The following ATP13A4 variants were observed in gnomAD, a reference collection of about 807,000 sequenced individuals.
The protein encoded by ATP13A4 is probable cation-transporting ATPase 13A4.
Under a neutral mutation model 142.5 loss-of-function variants are expected in ATP13A4, and 114 were observed. The ratio of observed to expected loss-of-function variants is 0.80; its 90% confidence interval spans 0.69 to 0.93. The LOEUF is 0.93. ATP13A4 is among the 40% of genes least tolerant of loss of function. The pLI, the probability that ATP13A4 is intolerant of heterozygous loss-of-function variation, is 0.00. For missense variants in ATP13A4, 1,392 were observed against 1,454.0 expected, an observed-to-expected ratio of 0.96 and a Z score of 0.69; for synonymous variants, 488 against 514.8, an observed-to-expected ratio of 0.95 and a Z score of 0.70.
At chr3:193,500,075 G>A (rs1485263886) in intron 3 of ATP13A4, among the ~76,000 whole-genome samples, 1 of 152,188 alleles carries the variant, frequency 6.6e-6, no homozygotes, top group Non-Finnish European at 1.5e-5. Flanking sequence ...ATCACTCTCA[G>A]AGCCTCTGGA....
chr3:193,542,414 T>G (rs1722980836), intron 1 of ATP13A4, among the ~76,000 whole-genome samples: 1 of 152,124 alleles, frequency 6.6e-6, no homozygotes, highest in Non-Finnish European at 1.5e-5. Context: ...AATTTATAGA[T>G]TCAATGCTAT....
chr3:193,567,291 C>T (rs143338693), intron 2 of ATP13A4, among the ~76,000 whole-genome samples: 32 of 152,124 alleles, frequency 2.1e-4, no homozygotes, highest in East Asian at 1.2e-3. Flanking sequence ...ACGACAAAAC[C>T]CTGACAGTGA....
At chr3:193,523,915 G>A (rs1008278549) in intron 1 of ATP13A4, among the ~76,000 whole-genome samples, 11 of 151,978 alleles carry the variant, frequency 7.2e-5, no homozygotes, top group East Asian at 5.8e-4. Flanking sequence ...CCACAAGAGC[G>A]GTTGTTAAAA....
intron 28 of ATP13A4, 121 bp from the exon 29 acceptor site, chr3:193,407,514 A>G (rs1157742893): frequency 2.9e-6 from 2 of 682,236 alleles, no homozygotes; most frequent in Non-Finnish European, 5.2e-6. Context: ...ATATGTGTGT[A>G]TATTACATAT....
chr3:193,428,436 A>G (rs1576950539), intron 25 of ATP13A4, among the ~76,000 whole-genome samples: 2 of 152,288 alleles, frequency 1.3e-5, no homozygotes, highest in African/African-American at 4.8e-5. Context: ...CCATCCCATT[A>G]CTGGGTATAT....
intron 2 of ATP13A4, among the ~76,000 whole-genome samples, chr3:193,567,896 C>T (rs1324708124): frequency 6.6e-6 from 1 of 152,194 alleles, no homozygotes; most frequent in East Asian, 1.9e-4. Flanking sequence ...CAGAATAGAC[C>T]TGCATGGTTG....
intron 10 of ATP13A4, among the ~76,000 whole-genome samples, chr3:193,466,466 C>A (rs1039177528): frequency 3.3e-5 from 5 of 152,192 alleles, no homozygotes; most frequent in African/African-American, 1.2e-4. Flanking sequence ...TGCCAAATAG[C>A]ATTTTATTTT....
chr3:193,470,268 A>G (rs1718541834), intron 9 of ATP13A4, among the ~76,000 whole-genome samples: 1 of 152,210 alleles, frequency 6.6e-6, no homozygotes, highest in Admixed American at 6.5e-5. Context: ...TGCCATGCCT[A>G]TGATATGAGA....
intron 8 of ATP13A4, among the ~76,000 whole-genome samples, chr3:193,474,723 AAAG>A (rs1281601977): frequency 8.4e-6 from 1 of 118,470 alleles, no homozygotes; most frequent in Non-Finnish European, 1.8e-5. Flanking sequence ...AGAGAGAGAG[AAAG>A]AAAGAGAAAG....
chr3:193,486,173 A>G (rs1719604360), intron 7 of ATP13A4, among the ~76,000 whole-genome samples: 1 of 151,874 alleles, frequency 6.6e-6, no homozygotes, highest in Non-Finnish European at 1.5e-5. Context: ...ACTCTTAGAG[A>G]TCCTCAGTGA....
chr3:193,574,024 C>T (rs1724343692), intron 2 of ATP13A4, among the ~76,000 whole-genome samples: 1 of 152,070 alleles, frequency 6.6e-6, no homozygotes, highest in African/African-American at 2.4e-5. Context: ...AATCTACATA[C>T]AGACATGTAT....
In ATP13A4 at chr3:193,531,063, C is replaced by A. The variant is rs1028406522; in HGVS notation, c.61-16192G>T. Among the ~76,000 whole-genome samples the A allele has an allele frequency of 4.6e-5, 7 of 152,144 alleles. No homozygotes were observed. In the East Asian group the frequency reaches 7.8e-4, roughly 17 times the overall value. ...ACTTGCTGTTAAACTTCTATTCATCCATCAAGATTCCTTTCAGTTAGCACT... is the reference window on the plus strand; with the variant it reads ...ACTTGCTGTTAAACTTCTATTCATCAATCAAGATTCCTTTCAGTTAGCACT... On this transcript the variant is annotated intron_variant, in intron 1 of 29. Coordinates refer to ENST00000342695, the MANE Select transcript of ATP13A4 (RefSeq NM_032279.4).
intron 2 of ATP13A4, among the ~76,000 whole-genome samples, chr3:193,567,022 T>C (rs1724149530): frequency 6.6e-6 from 1 of 150,568 alleles, no homozygotes; most frequent in Non-Finnish European, 1.5e-5. Flanking sequence ...ATCCCACTTT[T>C]AGAATTCTCT....
At chr3:193,580,968 A>G (rs1477056685) in intron 2 of ATP13A4, among the ~76,000 whole-genome samples, 1 of 152,226 alleles carries the variant, frequency 6.6e-6, no homozygotes, top group East Asian at 1.9e-4. Context: ...GTTCATATGC[A>G]TAAGTTTCTT....
chr3:193,413,265 G>T (rs2108604262), intron 26 of ATP13A4, among the ~76,000 whole-genome samples: 1 of 152,126 alleles, frequency 6.6e-6, no homozygotes, highest in East Asian at 1.9e-4. Context: ...AATTTCTTAT[G>T]CCTGTCTTAC....
chr3:193,462,081 G>A (rs2108640004), intron 13 of ATP13A4, among the ~76,000 whole-genome samples: 1 of 152,050 alleles, frequency 6.6e-6, no homozygotes, highest in Middle Eastern at 3.4e-3. Flanking sequence ...AATTAGCCAG[G>A]CATGGTGGCA....
chr3:193,483,527 C>G (rs190195895), intron 8 of ATP13A4, among the ~76,000 whole-genome samples: 2 of 152,178 alleles, frequency 1.3e-5, no homozygotes, highest in South Asian at 2.1e-4. Context: ...TACAGTGGCG[C>G]GATCTCGGCT....
At chr3:193,554,686 G>C (rs1332006861) in intron 1 of ATP13A4, 54 bp downstream of exon 1, 56 of 1,305,982 alleles carry the variant, frequency 4.3e-5, no homozygotes, top group East Asian at 7.2e-5. Context: ...GTGTGTGTGT[G>C]TCTCGCAGGC....
At chr3:193,440,271 AC>A in intron 21 of ATP13A4, 1 of 391,044 alleles carries the variant, frequency 2.6e-6, no homozygotes, top group South Asian at 2.6e-5. Context: ...CTCTTTCAGG[AC>A]CCTTAGGTTC....
Sources: gnomAD v4.1 joint callset for allele counts (sites outside exome capture counted in the v4.1 genomes callset) on GRCh38, gnomAD v4.1.1 for gene constraint, MANE v1.5 for transcripts, NCBI Gene and HGNC (gene_info 2026-07-23, HGNC 2026-07-21) for gene names.